The following ALDH3A2 variants were observed in gnomAD, a reference collection of about 807,000 sequenced individuals.
ALDH3A2 encodes the protein aldehyde dehydrogenase family 3 member A2.
Under a neutral mutation model 51.3 loss-of-function variants are expected in ALDH3A2, and 36 were observed. That is an observed-to-expected ratio of 0.70 (90% CI 0.54 to 0.93). ALDH3A2 has a LOEUF of 0.93. Ranked by LOEUF, ALDH3A2 falls within the 40% of genes least tolerant of loss-of-function variation. ALDH3A2 has a pLI of 0.00. For synonymous variants in ALDH3A2, 199 were observed against 219.8 expected (o/e 0.91, Z 0.84); for missense variants, 552 against 603.1 (o/e 0.92, Z 0.89).
chr17:19,666,755 A>G (rs940918655), intron 8 of ALDH3A2, among the ~76,000 whole-genome samples: 1 of 151,438 alleles, frequency 6.6e-6, no homozygotes, highest in African/African-American at 2.4e-5. Flanking sequence ...CAAACCTGGC[A>G]AACAGAGCGA....
chr17:19,673,245 T>G, intron 9 of ALDH3A2: 1 of 1,614,224 alleles, frequency 6.2e-7, no homozygotes, highest in Non-Finnish European at 8.5e-7. Context: ...ACACCAGATT[T>G]CAAAACCCAG....
intron 3 of ALDH3A2, among the ~76,000 whole-genome samples, chr17:19,653,034 T>C (rs1489374642): frequency 6.6e-6 from 1 of 152,074 alleles, no homozygotes; most frequent in Non-Finnish European, 1.5e-5. Context: ...TTTTCTGTGA[T>C]TATATAAGAG....
intron 8 of ALDH3A2, among the ~76,000 whole-genome samples, 182 bp downstream of exon 8, chr17:19,665,229 A>G (rs923385965): frequency 2.6e-5 from 4 of 151,862 alleles, no homozygotes; most frequent in African/African-American, 4.8e-5. Context: ...CCCCTCCAGC[A>G]TAGGGCAAAT....
chr17:19,663,202 G>T (rs1217626471), intron 6 of ALDH3A2, 131 bp from the exon 7 acceptor site: 8 of 1,068,146 alleles, frequency 7.5e-6, no homozygotes, highest in South Asian at 1.3e-5. Flanking sequence ...ACGTGCTCAG[G>T]ATTTTTCAAT....
chr17:19,673,183 G>A lies in ALDH3A2; in HGVS notation c.1443+1227G>A, dbSNP rs776600816. 6 of 1,614,200 alleles carry A rather than the reference G, an allele frequency of 3.7e-6. No individual in the cohort carries two copies. In the South Asian group the frequency reaches 4.4e-5, roughly 12 times the overall value. ...AAGCTGTGCTGAGGAGAAAGGCCCT[G>A]TTGATTTTTCTGGTAGTTCACAGAC... On this transcript the variant is annotated intron_variant, in intron 9 of 9. Coordinates refer to ENST00000176643, the MANE Select transcript of ALDH3A2 (RefSeq NM_000382.3).
chr17:19,659,260 C>T (rs1329382692), intron 5 of ALDH3A2, among the ~76,000 whole-genome samples: 2 of 151,500 alleles, frequency 1.3e-5, no homozygotes, highest in African/African-American at 4.9e-5. Flanking sequence ...AAATTGTCGC[C>T]GTTGTGGTGG....
intron 1 of ALDH3A2, 179 bp downstream of exon 1, chr17:19,649,303 C>T (rs1282969567): frequency 4.0e-6 from 3 of 757,352 alleles, no homozygotes; most frequent in Admixed American, 5.8e-5. Context: ...TCCTCTAGCA[C>T]TCAGAAGGGC....
intron 3 of ALDH3A2, among the ~76,000 whole-genome samples, chr17:19,653,288 G>C (rs559786993): frequency 9.9e-5 from 15 of 152,018 alleles, no homozygotes; most frequent in African/African-American, 3.6e-4. Context: ...CAGGTGATCC[G>C]CCCAGCTTGG....
chr17:19,666,032 A>G (rs1055651393), intron 8 of ALDH3A2, among the ~76,000 whole-genome samples: 10 of 152,266 alleles, frequency 6.6e-5, no homozygotes, highest in African/African-American at 2.4e-4. Context: ...CACCCAGCAC[A>G]GTGACTGACA....
chr17:19,675,626 A>AT lies in ALDH3A2; in HGVS notation c.*55dup, dbSNP rs777324314. The stretch of plus-strand genomic sequence containing the variant: ...CTCTACTGAATTATTCCTCTTTTAA[A>AT]TGGTTAATGAACCAATAATTTTTAA... On this transcript the variant is annotated 3_prime_UTR_variant, in exon 10 of 10. Coordinates refer to ENST00000176643, the MANE Select transcript of ALDH3A2 (RefSeq NM_000382.3). The AT allele has an allele frequency of 1.3e-5, 20 of 1,551,644 alleles. No homozygotes were observed. In the Admixed American group the frequency reaches 2.8e-4, roughly 22 times the overall value.
chr17:19,659,101 C>T (rs2084934697), intron 5 of ALDH3A2, among the ~76,000 whole-genome samples: 1 of 151,898 alleles, frequency 6.6e-6, no homozygotes, highest in Middle Eastern at 3.4e-3. Context: ...CATGGTGGCA[C>T]GCACCTATAA....
chr17:19,663,950 C>T (rs1333065175), intron 7 of ALDH3A2, among the ~76,000 whole-genome samples: 23 of 152,222 alleles, frequency 1.5e-4, no homozygotes, highest in Non-Finnish European at 5.9e-5. Flanking sequence ...TCTAACATGA[C>T]GCTAGCTTCT....
intron 3 of ALDH3A2, chr17:19,656,129 T>TA (rs1453142832): frequency 4.7e-5 from 25 of 536,846 alleles, no homozygotes; most frequent in African/African-American, 2.9e-4. Context: ...TGAGCTCATG[T>TA]AAAAAAACAC....
chr17:19,662,035 C>G (rs2084973456), intron 6 of ALDH3A2: 1 of 152,016 alleles, frequency 6.6e-6, no homozygotes, highest in African/African-American at 2.4e-5. Flanking sequence ...AGAAAACAAT[C>G]CTTGTGCCTT....
intron 1 of ALDH3A2, among the ~76,000 whole-genome samples, chr17:19,650,332 A>C (rs190568458): frequency 2.6e-3 from 401 of 152,028 alleles, no homozygotes; most frequent in African/African-American, 9.6e-3. Flanking sequence ...CCCAGGCTGA[A>C]GTGCAGTGAC....
chr17:19,650,409 ATAC>A (rs1202525032), intron 1 of ALDH3A2, among the ~76,000 whole-genome samples: 2 of 151,772 alleles, frequency 1.3e-5, no homozygotes, highest in Non-Finnish European at 1.5e-5. Flanking sequence ...AACCTCCCAG[ATAC>A]TAGGACTACA....
At chr17:19,670,846 C>A (rs113592144) in intron 8 of ALDH3A2, among the ~76,000 whole-genome samples, 1,558 of 152,302 alleles carry the variant, frequency 0.01, 25 homozygotes, top group African/African-American at 0.035. Context: ...CAGGCGTGAG[C>A]CACCGCACCC....
chr17:19,657,679 A>G (rs1211873589), intron 4 of ALDH3A2, 66 bp from the exon 5 acceptor site: 9 of 1,176,828 alleles, frequency 7.6e-6, no homozygotes, highest in South Asian at 2.5e-5. Context: ...AAACAACACA[A>G]TGTAACAAAT....
rs1256194633 is a variant in ALDH3A2 at position 19,677,401 on chromosome 17, A to G, written c.*1829A>G. 2.6e-5 allele frequency: 4 copies of G among 152,176 alleles called. No individual in the cohort carries two copies. Among genetic ancestry groups the G allele is most frequent in the East Asian group, 1.9e-4 (1 of 5,202 alleles). The allele number at this position is 152,176 out of a possible 1,614,324, so 9.4% of individuals were successfully genotyped here. A position where few individuals can be genotyped will look rare whatever the true frequency, so the allele number is the denominator to read the frequency against. ...AAAATACCTTAGATAAAATTGCACT[A>G]TGGAATTTTCATTGAGTATGTTTAA... On this transcript the variant is annotated 3_prime_UTR_variant, in exon 10 of 10. Coordinates refer to ENST00000176643, the MANE Select transcript of ALDH3A2 (RefSeq NM_000382.3).
Sources: allele counts gnomAD v4.1 joint callset (sites outside exome capture counted in the v4.1 genomes callset), GRCh38; gene constraint gnomAD v4.1.1; transcripts MANE v1.5; gene names NCBI Gene and HGNC (gene_info 2026-07-23, HGNC 2026-07-21).